The following KLF12 variants were observed in gnomAD, a reference collection of about 807,000 sequenced individuals.
KLF12 encodes the protein KLF transcription factor 12, also known as Krueppel-like factor 12.
KLF12 carries 9 observed loss-of-function variants against 37.8 expected under a neutral mutation model. That is an observed-to-expected ratio of 0.24 (90% CI 0.14 to 0.42). The LOEUF (loss-of-function observed/expected upper bound fraction) is 0.42. Among genes scored for constraint, KLF12 ranks in the 10% least tolerant of loss-of-function variants. The probability of loss-of-function intolerance (pLI) is 1.00; values close to 1 mark genes in which losing one functional copy is unlikely to be tolerated. For synonymous variants in KLF12, 208 were observed against 202.1 expected, an observed-to-expected ratio of 1.03 and a Z score of -0.25; for missense variants, 411 against 516.0, an observed-to-expected ratio of 0.80 and a Z score of 1.97.
intron 3 of KLF12, among the ~76,000 whole-genome samples, chr13:73,848,969 C>T (rs553082515): frequency 5.4e-4 from 82 of 152,180 alleles, no homozygotes; most frequent in East Asian, 3.5e-3. Context: ...CTGTTTACAG[C>T]GTTGACACAG....
chr13:74,235,615 T>A, the KLF12 span, among the ~76,000 whole-genome samples: 1 of 152,192 alleles, frequency 6.6e-6, no homozygotes, highest in African/African-American at 2.4e-5. Context: ...TGAGATAAGA[T>A]CTTTATATGT....
intron 1 of KLF12, among the ~76,000 whole-genome samples, chr13:74,107,128 C>T (rs1256200998): frequency 1.3e-5 from 2 of 152,158 alleles, no homozygotes; most frequent in Non-Finnish European, 2.9e-5. Context: ...TAGGGTGCTC[C>T]CTTGAATTAT....
At chr13:74,191,292 C>T in the KLF12 span, among the ~76,000 whole-genome samples, 4 of 152,172 alleles carry the variant, frequency 2.6e-5, no homozygotes, top group African/African-American at 9.7e-5. Context: ...TCTGGGTAAG[C>T]CACATCTGAG....
At chr13:74,130,219 G>A (rs912205642) in intron 1 of KLF12, among the ~76,000 whole-genome samples, 1 of 152,124 alleles carries the variant, frequency 6.6e-6, no homozygotes, top group African/African-American at 2.4e-5. Context: ...TCAAAGCTGT[G>A]CATAAATTGC....
chr13:73,938,381 C>A (rs888567208), intron 3 of KLF12, among the ~76,000 whole-genome samples: 1 of 152,136 alleles, frequency 6.6e-6, no homozygotes, highest in East Asian at 1.9e-4. Context: ...TAGCACATTT[C>A]CAGGTTCAGC....
chr13:73,701,111 G>A (rs1874522397), intron 7 of KLF12, among the ~76,000 whole-genome samples: 1 of 152,106 alleles, frequency 6.6e-6, no homozygotes, highest in African/African-American at 2.4e-5. Flanking sequence ...TCAGCAGCAG[G>A]GACAGAATGG....
chr13:74,223,826 A>G, the KLF12 span, among the ~76,000 whole-genome samples: 1 of 152,118 alleles, frequency 6.6e-6, no homozygotes, highest in Non-Finnish European at 1.5e-5. Flanking sequence ...GGTGGCTTCC[A>G]TAGCCCCATG....
At chr13:74,099,983 G>C (rs1876228097) in intron 1 of KLF12, among the ~76,000 whole-genome samples, 1 of 152,058 alleles carries the variant, frequency 6.6e-6, no homozygotes, top group Admixed American at 6.5e-5. Context: ...GTGCTGATGG[G>C]AAAGAAGGGC....
chr13:74,082,947 A>T (rs1266337517), intron 1 of KLF12, among the ~76,000 whole-genome samples: 1 of 152,234 alleles, frequency 6.6e-6, no homozygotes, highest in Non-Finnish European at 1.5e-5. Flanking sequence ...TACATTAAGC[A>T]AAGCAAAACA....
At chr13:74,053,445 T>C (rs1210321029) in intron 1 of KLF12, among the ~76,000 whole-genome samples, 2 of 152,184 alleles carry the variant, frequency 1.3e-5, no homozygotes, top group East Asian at 3.9e-4. Context: ...TTCCCATGTA[T>C]TAATTAATTT....
At chr13:74,110,452 G>C (rs779181216) in intron 1 of KLF12, among the ~76,000 whole-genome samples, 5 of 152,136 alleles carry the variant, frequency 3.3e-5, no homozygotes, top group Non-Finnish European at 7.3e-5. Context: ...TCTTCCTCTA[G>C]AATTGAGAGT....
chr13:74,141,558 A>G, the KLF12 span, among the ~76,000 whole-genome samples: 1 of 152,188 alleles, frequency 6.6e-6, no homozygotes, highest in Non-Finnish European at 1.5e-5. Flanking sequence ...GAAACAAGAA[A>G]TCGAAAAATA....
intron 1 of KLF12, among the ~76,000 whole-genome samples, chr13:74,094,045 T>C (rs943572494): frequency 3.9e-5 from 6 of 152,026 alleles, no homozygotes; most frequent in Admixed American, 3.9e-4. Context: ...GTATATTTGA[T>C]ACATGCTAAG....
intron 2 of KLF12, among the ~76,000 whole-genome samples, chr13:73,954,320 A>G (rs1165319694): frequency 2.6e-5 from 4 of 151,916 alleles, no homozygotes; most frequent in Admixed American, 2.6e-4. Flanking sequence ...TTCTCTTCAT[A>G]TATTTGTAAT....
chr13:74,037,397 C>T (rs1452448335), intron 1 of KLF12, among the ~76,000 whole-genome samples: 7 of 152,066 alleles, frequency 4.6e-5, no homozygotes, highest in African/African-American at 1.7e-4. Flanking sequence ...TACACACTCA[C>T]CCATTTAGAC....
chr13:74,035,010 C>T (rs879609111), intron 1 of KLF12, among the ~76,000 whole-genome samples: 1 of 152,190 alleles, frequency 6.6e-6, no homozygotes, highest in Non-Finnish European at 1.5e-5. Flanking sequence ...CACAGCCTCA[C>T]CAGTTTCCTG....
the KLF12 span, among the ~76,000 whole-genome samples, chr13:74,262,581 G>A: frequency 1.3e-5 from 2 of 152,114 alleles, no homozygotes; most frequent in African/African-American, 2.4e-5. Context: ...AAATGTAAAT[G>A]CTATGTAAAC....
the KLF12 span, among the ~76,000 whole-genome samples, chr13:74,275,108 T>A: frequency 6.6e-6 from 1 of 152,080 alleles, no homozygotes. Context: ...TGTGAGGATT[T>A]TGGGGGAAAT....
chr13:73,768,553 C>A (rs1203304377), intron 5 of KLF12, among the ~76,000 whole-genome samples: 1 of 62,062 alleles, frequency 1.6e-5, no homozygotes, highest in African/African-American at 5.8e-5. Flanking sequence ...TCAGGCAGCT[C>A]ATTTTTTTCT....
Sources: gnomAD v4.1 joint callset for allele counts (sites outside exome capture counted in the v4.1 genomes callset) on GRCh38, gnomAD v4.1.1 for gene constraint, MANE v1.5 for transcripts, NCBI Gene and HGNC (gene_info 2026-07-23, HGNC 2026-07-21) for gene names.